Variants in LRMDA observed in about 807,000 individuals in gnomAD.
The protein encoded by LRMDA is leucine-rich melanocyte differentiation-associated protein.
LRMDA carries 18 observed loss-of-function variants against 29.8 expected under a neutral mutation model. The observed-to-expected ratio is 0.60, with a 90% CI of 0.42 to 0.90. The LOEUF (loss-of-function observed/expected upper bound fraction) is 0.90, where lower values mean the gene tolerates loss of function less well. Among genes scored for constraint, LRMDA ranks in the 40% least tolerant of loss-of-function variants. The pLI is 0.00. For missense variants in LRMDA, 273 were observed against 273.9 expected (o/e 1.00, Z 0.02); for synonymous variants, 125 against 109.4 (o/e 1.14, Z -0.89).
At chr10:75,944,429 G>A (rs182278658) in intron 2 of LRMDA, among the ~76,000 whole-genome samples, 225 of 151,944 alleles carry the variant, frequency 1.5e-3, no homozygotes, top group Admixed American at 4.4e-3. Flanking sequence ...TTCTATCTGC[G>A]TGTTTAAGCT....
intron 6 of LRMDA, among the ~76,000 whole-genome samples, chr10:76,494,509 T>A (rs1269719405): frequency 6.6e-6 from 1 of 151,840 alleles, no homozygotes; most frequent in Admixed American, 6.6e-5. Flanking sequence ...ATTTTCTTAT[T>A]TTTCCTGACT....
At chr10:76,442,312 C>T (rs1297969583) in intron 6 of LRMDA, among the ~76,000 whole-genome samples, 1 of 152,218 alleles carries the variant, frequency 6.6e-6, no homozygotes. Flanking sequence ...TATCATGTGG[C>T]TTTAATCCCA....
intron 5 of LRMDA, among the ~76,000 whole-genome samples, chr10:76,276,205 A>G (rs1840132606): frequency 1.3e-5 from 2 of 152,000 alleles, no homozygotes; most frequent in Admixed American, 1.3e-4. Context: ...CAGTGATGCA[A>G]TCGCGGCTAA....
In LRMDA at chr10:76,175,532, A is replaced by G. The variant is rs182659604; in HGVS notation, c.516+116749A>G. On this transcript the variant is annotated intron_variant, in intron 5 of 6. Transcript: ENST00000611255. ...CATTACTGTTGTTAACAGGCCAGAT[A>G]AGGGTCTGATATTCTAGCAAGAAAT... Among the ~76,000 whole-genome samples, 179 of 152,318 alleles carry G rather than the reference A, an allele frequency of 1.2e-3. 1 individual carries two copies. The highest frequency in any genetic ancestry group is 3.8e-3 in the African/African-American group (158 of 41,580).
At chr10:76,206,199 G>A (rs1053630049) in intron 5 of LRMDA, among the ~76,000 whole-genome samples, 4 of 152,196 alleles carry the variant, frequency 2.6e-5, no homozygotes, top group Non-Finnish European at 4.4e-5. Context: ...GCTACTAACC[G>A]TTCTATCCAC....
chr10:75,476,373 C>T (rs895686978), intron 2 of LRMDA, among the ~76,000 whole-genome samples: 12 of 152,124 alleles, frequency 7.9e-5, no homozygotes, highest in Admixed American at 7.9e-4. Flanking sequence ...CCTCCTACCC[C>T]AACTGTTTGC....
intron 6 of LRMDA, among the ~76,000 whole-genome samples, chr10:76,492,254 G>A (rs970828319): frequency 1.3e-5 from 2 of 151,928 alleles, no homozygotes; most frequent in South Asian, 4.2e-4. Context: ...CAATGCTTGT[G>A]GGTGTTAGTC....
Position 76,431,929 on chromosome 10 carries a change from A to G in LRMDA, c.601+107444A>G, listed in dbSNP as rs141714660. 4.0e-3 allele frequency among the ~76,000 whole-genome samples: 604 copies of G among 152,346 alleles called. 20 individuals carry two copies. In the East Asian group the frequency reaches 0.08, roughly 20 times the overall value. ...TCTCTTGTCTGCTGCCATGTGAGAC[A>G]TGCCTTTCACCTTCTGCCATGATTG... On this transcript the variant is annotated intron_variant, in intron 6 of 6. Transcript: ENST00000611255.
At chr10:76,399,661 G>A (rs541017934) in intron 6 of LRMDA, among the ~76,000 whole-genome samples, 1 of 152,248 alleles carries the variant, frequency 6.6e-6, no homozygotes, top group African/African-American at 2.4e-5. Context: ...CAAAACAATG[G>A]CAACCAGCCT....
intron 5 of LRMDA, among the ~76,000 whole-genome samples, chr10:76,171,488 A>G (rs1850835664): frequency 6.6e-6 from 1 of 151,986 alleles, no homozygotes; most frequent in Admixed American, 6.6e-5. Context: ...TTCTCCTCCT[A>G]CCTCCTGTGA....
At chr10:76,211,764 A>G (rs1024716850) in intron 5 of LRMDA, among the ~76,000 whole-genome samples, 1 of 152,230 alleles carries the variant, frequency 6.6e-6, no homozygotes, top group Non-Finnish European at 1.5e-5. Flanking sequence ...TCAAAGAGCA[A>G]TTCCTTAGTT....
In LRMDA at chr10:75,696,350, A is replaced by AG. The variant is rs1430605492; in HGVS notation, c.131+257859dup. Reference sequence around the variant, plus strand: ...TGGGCATTGCTGGACACTGAGCCAAAGGGAAAGAAAGCTCTGAAGGGTCTT... The same window carrying AG: ...TGGGCATTGCTGGACACTGAGCCAAAGGGGAAAGAAAGCTCTGAAGGGTCTT... On this transcript the variant is annotated intron_variant, in intron 2 of 6. Transcript: ENST00000611255. Among the ~76,000 whole-genome samples, 11 of 152,352 alleles carry AG rather than the reference A, an allele frequency of 7.2e-5. No homozygotes were observed. The East Asian group carries it at 1.5e-3, about 21-fold the overall frequency.
intron 2 of LRMDA, among the ~76,000 whole-genome samples, chr10:75,465,059 C>T (rs1844631800): frequency 6.6e-6 from 1 of 152,162 alleles, no homozygotes; most frequent in African/African-American, 2.4e-5. Context: ...CAGACCTTTT[C>T]CTGGCTGACC....
intron 5 of LRMDA, among the ~76,000 whole-genome samples, chr10:76,119,361 G>A (rs748521967): frequency 1.6e-4 from 25 of 152,168 alleles, no homozygotes; most frequent in African/African-American, 4.8e-4. Flanking sequence ...GTAGCAAAGC[G>A]TATGGAATAA....
chr10:76,547,346 A>C (rs906846358), intron 6 of LRMDA, among the ~76,000 whole-genome samples: 1 of 152,148 alleles, frequency 6.6e-6, no homozygotes, highest in Non-Finnish European at 1.5e-5. Flanking sequence ...AGAACCCCAA[A>C]ATGGGGGGCA....
rs143271456 is a variant in LRMDA, at chr10:75,594,824, A to G, written c.131+156330A>G. 7.3e-3 allele frequency among the ~76,000 whole-genome samples: 1,109 copies of G among 152,330 alleles called. 19 individuals carry two copies. The highest frequency in any genetic ancestry group is 0.025 in the African/African-American group (1,033 of 41,570). On this transcript the variant is annotated intron_variant, in intron 2 of 6. Coordinates refer to ENST00000611255, the MANE Select transcript of LRMDA (RefSeq NM_001305581.2). Reference sequence around the variant, plus strand: ...CTGTTGAATAGAGAAGGGTTAACATAGGAATGATCTAATGTACTTGTTCTG... The same window carrying G: ...CTGTTGAATAGAGAAGGGTTAACATGGGAATGATCTAATGTACTTGTTCTG...
intron 5 of LRMDA, among the ~76,000 whole-genome samples, chr10:76,286,204 G>A (rs1840268964): frequency 2.0e-5 from 3 of 152,130 alleles, no homozygotes; most frequent in Admixed American, 1.3e-4. Flanking sequence ...AGACAATGAA[G>A]ATCTTCCCGC....
intron 2 of LRMDA, among the ~76,000 whole-genome samples, chr10:76,022,995 A>T (rs1848000556): frequency 6.6e-6 from 1 of 152,044 alleles, no homozygotes; most frequent in Non-Finnish European, 1.5e-5. Flanking sequence ...ACCAATGGTT[A>T]ATGTCTACTC....
At chr10:75,449,779 G>C (rs927444250) in intron 2 of LRMDA, among the ~76,000 whole-genome samples, 13 of 152,182 alleles carry the variant, frequency 8.5e-5, no homozygotes, top group African/African-American at 3.1e-4. Flanking sequence ...TGCTCTGTGA[G>C]ATGTGGTTCA....
Sources: allele counts gnomAD v4.1 joint callset (sites outside exome capture counted in the v4.1 genomes callset), GRCh38; gene constraint gnomAD v4.1.1; transcripts MANE v1.5; gene names NCBI Gene and HGNC (gene_info 2026-07-23, HGNC 2026-07-21).